The following ENTREP2 variants were observed in gnomAD, a reference collection of about 807,000 sequenced individuals.
The protein encoded by ENTREP2 is protein ENTREP2.
the ENTREP2 span, among the ~76,000 whole-genome samples, chr15:29,593,423 C>A: frequency 5.4e-3 from 828 of 152,252 alleles, 7 homozygotes; most frequent in African/African-American, 0.017. Flanking sequence ...ACAACTCCCC[C>A]ACCAGTGACA....
chr15:29,237,550 C>T, the ENTREP2 span, among the ~76,000 whole-genome samples: 2 of 152,118 alleles, frequency 1.3e-5, no homozygotes, highest in African/African-American at 4.8e-5. Flanking sequence ...GATTGATGAG[C>T]ACATGAAAAG....
the ENTREP2 span, among the ~76,000 whole-genome samples, chr15:29,133,279 G>A: frequency 6.4e-4 from 97 of 152,278 alleles, no homozygotes; most frequent in Middle Eastern, 6.8e-3. Context: ...TCCTGCGAGA[G>A]TGATCTACTC....
At chr15:29,245,634 T>C in the ENTREP2 span, among the ~76,000 whole-genome samples, 2 of 150,962 alleles carry the variant, frequency 1.3e-5, no homozygotes, top group African/African-American at 4.8e-5. Flanking sequence ...ATATAATATG[T>C]AAATTATAAA....
At chr15:29,538,837 G>A in the ENTREP2 span, among the ~76,000 whole-genome samples, 1 of 151,840 alleles carries the variant, frequency 6.6e-6, no homozygotes, top group Non-Finnish European at 1.5e-5. Context: ...TGGAGTAGGT[G>A]CACCTACATT....
the ENTREP2 span, among the ~76,000 whole-genome samples, chr15:29,423,046 G>C: frequency 6.6e-6 from 1 of 152,108 alleles, no homozygotes; most frequent in Non-Finnish European, 1.5e-5. Flanking sequence ...ACGTCAACGA[G>C]GTCTGAAAAC....
At chr15:29,617,388 C>A in the ENTREP2 span, among the ~76,000 whole-genome samples, 2 of 152,284 alleles carry the variant, frequency 1.3e-5, no homozygotes, top group African/African-American at 2.4e-5. Flanking sequence ...ATGGGATATG[C>A]CCACCCACAT....
the ENTREP2 span, among the ~76,000 whole-genome samples, chr15:29,630,866 A>G: frequency 2.6e-5 from 4 of 152,166 alleles, no homozygotes; most frequent in South Asian, 2.1e-4. Context: ...TATTTTTAGT[A>G]CAGACGGGAT....
At chr15:29,208,553 T>A in the ENTREP2 span, among the ~76,000 whole-genome samples, 1 of 152,122 alleles carries the variant, frequency 6.6e-6, no homozygotes, top group South Asian at 2.1e-4. Flanking sequence ...ACCACAGATA[T>A]CAGATTCCTC....
the ENTREP2 span, among the ~76,000 whole-genome samples, chr15:29,644,563 G>A: frequency 6.6e-6 from 1 of 152,286 alleles, no homozygotes; most frequent in African/African-American, 2.4e-5. Context: ...AGCACTTTGG[G>A]AGGCCGAGGC....
chr15:29,217,984 C>T, the ENTREP2 span, among the ~76,000 whole-genome samples: 2 of 152,070 alleles, frequency 1.3e-5, no homozygotes, highest in African/African-American at 4.8e-5. Flanking sequence ...GATGTGGCTT[C>T]CTATGAGCGG....
At chr15:29,306,640 A>C in the ENTREP2 span, among the ~76,000 whole-genome samples, 25,236 of 146,720 alleles carry the variant, frequency 0.17, 2,690 homozygotes, top group Non-Finnish European at 0.25. Flanking sequence ...AGTGTATCTA[A>C]GATATACTGA....
the ENTREP2 span, among the ~76,000 whole-genome samples, chr15:29,310,292 G>T: frequency 2.6e-5 from 4 of 152,128 alleles, no homozygotes; most frequent in South Asian, 8.3e-4. Flanking sequence ...GTAGTTCTAG[G>T]ACAATTTTTT....
At chr15:29,220,623 C>A in the ENTREP2 span, among the ~76,000 whole-genome samples, 1 of 152,060 alleles carries the variant, frequency 6.6e-6, no homozygotes, top group East Asian at 1.9e-4. Flanking sequence ...AAACTTACAT[C>A]GAAAAATATA....
At chr15:29,142,932 A>G in the ENTREP2 span, among the ~76,000 whole-genome samples, 2 of 152,234 alleles carry the variant, frequency 1.3e-5, no homozygotes, top group Non-Finnish European at 2.9e-5. Flanking sequence ...AATGATGTCA[A>G]TCAACCACAT....
chr15:29,381,880 A>G, the ENTREP2 span: 2 of 1,514,878 alleles, frequency 1.3e-6, no homozygotes, highest in Admixed American at 2.0e-5. Flanking sequence ...GAAACCTTGC[A>G]TGGGCAATCA....
At chr15:29,496,368 G>C in the ENTREP2 span, among the ~76,000 whole-genome samples, 1 of 151,308 alleles carries the variant, frequency 6.6e-6, no homozygotes, top group Non-Finnish European at 1.5e-5. Context: ...TCCCAATTTG[G>C]ATGACTAATA....
the ENTREP2 span, among the ~76,000 whole-genome samples, chr15:29,456,098 CCA>C: frequency 1.1e-3 from 160 of 152,180 alleles, 1 homozygote; most frequent in Admixed American, 1.9e-3. Flanking sequence ...GAAACCATCC[CCA>C]CCCCCTCCCT....
the ENTREP2 span, among the ~76,000 whole-genome samples, chr15:29,439,601 C>T: frequency 6.6e-6 from 1 of 152,120 alleles, no homozygotes; most frequent in South Asian, 2.1e-4. Flanking sequence ...TGCTGCTGGG[C>T]CCAGATCCAC....
chr15:29,638,069 T>G, the ENTREP2 span, among the ~76,000 whole-genome samples: 1 of 152,118 alleles, frequency 6.6e-6, no homozygotes, highest in Non-Finnish European at 1.5e-5. Flanking sequence ...CTTCAGAGGG[T>G]AATGGCTGCT....
Sources: allele counts gnomAD v4.1 joint callset (sites outside exome capture counted in the v4.1 genomes callset), GRCh38; gene constraint gnomAD v4.1.1; transcripts MANE v1.5; gene names NCBI Gene and HGNC (gene_info 2026-07-23, HGNC 2026-07-21).